Variants in CSNK1G3 observed in about 807,000 individuals in gnomAD.
CSNK1G3 encodes the protein casein kinase 1 gamma 3.
In CSNK1G3, 23 loss-of-function variants were observed where a neutral mutation model predicts 64.3. The observed-to-expected ratio is 0.36, with a 90% CI of 0.26 to 0.51. The LOEUF (loss-of-function observed/expected upper bound fraction) is 0.51. CSNK1G3 is among the 20% of genes least tolerant of loss of function. CSNK1G3 has a pLI of 0.96. For missense variants in CSNK1G3, 357 were observed against 510.5 expected, an observed-to-expected ratio of 0.70 and a Z score of 2.90; for synonymous variants, 158 against 162.2, an observed-to-expected ratio of 0.97 and a Z score of 0.20.
intron 6 of CSNK1G3, among the ~76,000 whole-genome samples, chr5:123,581,215 A>T (rs1480986882): frequency 6.6e-6 from 1 of 151,510 alleles, no homozygotes; most frequent in African/African-American, 2.4e-5. Flanking sequence ...GTTTCAGGGT[A>T]TAGTTTTTTT....
At chr5:123,556,503 A>G (rs980998596) in intron 3 of CSNK1G3, among the ~76,000 whole-genome samples, 17 of 151,698 alleles carry the variant, frequency 1.1e-4, no homozygotes, top group African/African-American at 3.4e-4. Context: ...TGCATTCTAT[A>G]TAGTTTTTCT....
At chr5:123,545,966 T>C in intron 2 of CSNK1G3, 125 bp downstream of exon 2, 2 of 861,700 alleles carry the variant, frequency 2.3e-6, no homozygotes, top group South Asian at 3.6e-5. Flanking sequence ...TTTTAAAGAA[T>C]AAAGATGTTG....
chr5:123,595,106 C>CAG (rs1203037549), intron 10 of CSNK1G3: 1 of 1,613,636 alleles, frequency 6.2e-7, no homozygotes, highest in Non-Finnish European at 8.5e-7. Flanking sequence ...GCTCACCTTG[C>CAG]AGCAGACAGA....
At chr5:123,521,401 G>T (rs971552257) in intron 1 of CSNK1G3, among the ~76,000 whole-genome samples, 5 of 152,220 alleles carry the variant, frequency 3.3e-5, no homozygotes, top group African/African-American at 9.6e-5. Flanking sequence ...GCAAATGTTT[G>T]TAGTTAATAA....
At chr5:123,597,302 ATTATTC>A (rs1793618462) in intron 10 of CSNK1G3, among the ~76,000 whole-genome samples, 1 of 152,172 alleles carries the variant, frequency 6.6e-6, no homozygotes, top group East Asian at 1.9e-4. Flanking sequence ...CAATTAAAAA[ATTATTC>A]TTAATAAACA....
At chr5:123,587,795 G>GTAC (rs1196050358) in intron 6 of CSNK1G3, among the ~76,000 whole-genome samples, 2 of 152,104 alleles carry the variant, frequency 1.3e-5, no homozygotes, top group African/African-American at 4.8e-5. Context: ...CCCGTGGCCT[G>GTAC]TACTTCCATG....
At chr5:123,576,224 T>G (rs1417079012) in intron 6 of CSNK1G3, among the ~76,000 whole-genome samples, 2 of 152,192 alleles carry the variant, frequency 1.3e-5, no homozygotes, top group Admixed American at 1.3e-4. Context: ...TGTTCAACTT[T>G]GATACAGTTA....
intron 1 of CSNK1G3, among the ~76,000 whole-genome samples, chr5:123,529,161 C>T (rs1779525886): frequency 6.6e-6 from 1 of 152,058 alleles, no homozygotes; most frequent in Non-Finnish European, 1.5e-5. Context: ...GAGTATAATG[C>T]TGTTGGCTAT....
At chr5:123,538,730 T>C (rs1319758777) in intron 1 of CSNK1G3, among the ~76,000 whole-genome samples, 1 of 152,192 alleles carries the variant, frequency 6.6e-6, no homozygotes, top group Non-Finnish European at 1.5e-5. Flanking sequence ...TAAAGTATAA[T>C]AATTTTTTTA....
At chr5:123,519,462 A>G (rs1270936282) in intron 1 of CSNK1G3, among the ~76,000 whole-genome samples, 2 of 151,832 alleles carry the variant, frequency 1.3e-5, no homozygotes, top group African/African-American at 4.8e-5. Context: ...TTTCTATGAA[A>G]CTCATGAAGC....
intron 12 of CSNK1G3, among the ~76,000 whole-genome samples, chr5:123,609,370 T>C (rs79053863): frequency 0.022 from 3,282 of 152,286 alleles, 126 homozygotes; most frequent in African/African-American, 0.075. Context: ...AGTTTTCCTA[T>C]GAAACTAGAT....
exon 1 of CSNK1G3, chr5:123,512,555 C>G (rs953731047): frequency 5.3e-5 from 8 of 151,566 alleles, no homozygotes; most frequent in African/African-American, 1.9e-4. Context: ...CCTCTGCTCG[C>G]GGCCGCGCCT....
intron 1 of CSNK1G3, among the ~76,000 whole-genome samples, chr5:123,537,879 C>T (rs1306262987): frequency 6.6e-6 from 1 of 152,140 alleles, no homozygotes; most frequent in Non-Finnish European, 1.5e-5. Context: ...GGATTTCTAT[C>T]ACCACAGCTT....
Position 123,597,111 on chromosome 5 carries a change from GT to G in CSNK1G3, c.1086+5699del, listed in dbSNP as rs554981577. Among the ~76,000 whole-genome samples, 746 of 152,138 alleles carry G rather than the reference GT, an allele frequency of 4.9e-3. 2 individuals are homozygous for G. The highest frequency in any genetic ancestry group is 8.6e-3 in the Admixed American group (132 of 15,276). On this transcript the variant is annotated intron_variant, in intron 10 of 12. Transcript: ENST00000345990. Reference sequence around the variant, plus strand: ...ATGAAGGCAGAAAGGGAAACAATATGTTCTATTAATATTATTCTCATTGTTT... The same window carrying G: ...ATGAAGGCAGAAAGGGAAACAATATGTCTATTAATATTATTCTCATTGTTT...
At chr5:123,572,769 A>G (rs760760790) in intron 4 of CSNK1G3, among the ~76,000 whole-genome samples, 2 of 152,190 alleles carry the variant, frequency 1.3e-5, no homozygotes, top group Non-Finnish European at 2.9e-5. Flanking sequence ...TCTGACTTCT[A>G]GACTATCTTT....
At position 123,526,011 on chromosome 5, in the gene CSNK1G3, A is replaced by G. The variant is rs1181838783; in HGVS notation, c.-248+13441A>G. On this transcript the variant is annotated intron_variant, in intron 1 of 12. Transcript: ENST00000345990. Reference sequence around the variant, plus strand: ...AGACTCCGTCTCAAAAAAAAAAAAAAAAAAGTAGAAATACTTTATAGAAAT... The same window carrying G: ...AGACTCCGTCTCAAAAAAAAAAAAAGAAAAGTAGAAATACTTTATAGAAAT... Among the ~76,000 whole-genome samples the G allele has an allele frequency of 4.6e-5, 7 of 151,800 alleles. 1 individual carries two copies. The East Asian group carries it at 1.4e-3, about 30-fold the overall frequency.
chr5:123,603,629 G>A (rs1041621063), intron 10 of CSNK1G3, among the ~76,000 whole-genome samples: 15 of 152,268 alleles, frequency 9.9e-5, no homozygotes, highest in Admixed American at 7.2e-4. Context: ...TTTCTGTGCT[G>A]TGTCAGCATA....
intron 1 of CSNK1G3, among the ~76,000 whole-genome samples, chr5:123,527,963 G>A (rs1290757246): frequency 1.3e-5 from 2 of 152,074 alleles, no homozygotes; most frequent in Admixed American, 1.3e-4. Flanking sequence ...GTGCTGTTAT[G>A]CAGAGATGTC....
chr5:123,598,826 G>GA (rs1291825225), intron 10 of CSNK1G3, among the ~76,000 whole-genome samples: 1 of 152,128 alleles, frequency 6.6e-6, no homozygotes, highest in Non-Finnish European at 1.5e-5. Flanking sequence ...ACACTAGATT[G>GA]AAAGGAGACA....
Sources: gnomAD v4.1 joint callset for allele counts (sites outside exome capture counted in the v4.1 genomes callset) on GRCh38, gnomAD v4.1.1 for gene constraint, MANE v1.5 for transcripts, NCBI Gene and HGNC (gene_info 2026-07-23, HGNC 2026-07-21) for gene names.